Variants in CYP2B6 observed in about 807,000 individuals in gnomAD.
The protein encoded by CYP2B6 is cytochrome P450 2B6.
Under a neutral mutation model 43.4 loss-of-function variants are expected in CYP2B6, and 35 were observed. The ratio of observed to expected loss-of-function variants is 0.81; its 90% CI spans 0.62 to 1.07. CYP2B6 has a LOEUF of 1.07. Among genes scored for constraint, CYP2B6 ranks in the 50% least tolerant of loss-of-function variants. The probability of loss-of-function intolerance (pLI) is 0.00; values close to 1 mark genes in which losing one functional copy is unlikely to be tolerated. For missense variants in CYP2B6, 624 were observed against 632.8 expected, an observed-to-expected ratio of 0.99 and a Z score of 0.15; for synonymous variants, 239 against 239.2, an observed-to-expected ratio of 1.00 and a Z score of 0.01.
intron 1 of CYP2B6, among the ~76,000 whole-genome samples, chr19:40,998,513 G>A (rs1487202783): frequency 1.3e-4 from 20 of 149,094 alleles, no homozygotes; most frequent in South Asian, 1.1e-3. Context: ...ATGCTGGTGC[G>A]CTGCACCCAC....
chr19:40,997,158 T>A (rs1256176608), intron 1 of CYP2B6, among the ~76,000 whole-genome samples: 1 of 151,930 alleles, frequency 6.6e-6, no homozygotes, highest in African/African-American at 2.4e-5. Flanking sequence ...CCCATGTCAG[T>A]GCCAGGAGAG....
intron 8 of CYP2B6, among the ~76,000 whole-genome samples, chr19:41,016,429 A>AGG (rs1278513595): frequency 2.1e-5 from 2 of 93,430 alleles, no homozygotes; most frequent in Non-Finnish European, 4.2e-5. Flanking sequence ...AAAAAAAAAA[A>AGG]AAAAAGAGAG....
rs755094512 is a variant in CYP2B6, at chr19:41,012,829, A to T, written c.1294+14A>T. The T allele has an allele frequency of 6.2e-7, 1 of 1,614,052 alleles. No individual in the cohort carries two copies. On this transcript the variant is annotated intron_variant, in intron 8 of 8. Transcript: ENST00000324071. Reference sequence around the variant, plus strand: ...CCTTCTCCTTAGGTAAGCTGGACCCACAATTTCTTTCCCAGACACCAGAGG... The same window carrying T: ...CCTTCTCCTTAGGTAAGCTGGACCCTCAATTTCTTTCCCAGACACCAGAGG...
At chr19:40,995,950 A>G (rs896726516) in intron 1 of CYP2B6, among the ~76,000 whole-genome samples, 2 of 152,206 alleles carry the variant, frequency 1.3e-5, no homozygotes, top group African/African-American at 4.8e-5. Context: ...ACTTTTAAAC[A>G]TATTAAGGTG....
intron 1 of CYP2B6, among the ~76,000 whole-genome samples, chr19:41,001,042 A>T (rs542367377): frequency 6.6e-6 from 1 of 152,146 alleles, no homozygotes; most frequent in African/African-American, 2.4e-5. Flanking sequence ...TCCATCTCAA[A>T]AAAAACCCAA....
intron 1 of CYP2B6, among the ~76,000 whole-genome samples, chr19:40,994,807 G>T (rs895054732): frequency 6.6e-6 from 1 of 151,914 alleles, no homozygotes; most frequent in African/African-American, 2.4e-5. Flanking sequence ...ATGTTATTAC[G>T]TACTGTTATT....
chr19:41,013,699 G>A (rs1969320069), intron 8 of CYP2B6, among the ~76,000 whole-genome samples: 1 of 152,194 alleles, frequency 6.6e-6, no homozygotes, highest in Non-Finnish European at 1.5e-5. Flanking sequence ...GCTCTGACTT[G>A]TCCCAGTTCT....
At chr19:41,005,120 T>C (rs1969156646) in intron 3 of CYP2B6, among the ~76,000 whole-genome samples, 1 of 152,160 alleles carries the variant, frequency 6.6e-6, no homozygotes, top group Admixed American at 6.6e-5. Flanking sequence ...GAACTGTGTT[T>C]TCCTTGCCCT....
chr19:41,011,568 A>T (rs35679971), intron 6 of CYP2B6, among the ~76,000 whole-genome samples: 5 of 152,180 alleles, frequency 3.3e-5, no homozygotes, highest in Non-Finnish European at 7.3e-5. Flanking sequence ...TCATGAATTC[A>T]TCTATTGTTC....
intron 4 of CYP2B6, among the ~76,000 whole-genome samples, chr19:41,007,873 G>A (rs1327230728): frequency 1.3e-3 from 190 of 151,962 alleles, no homozygotes; most frequent in African/African-American, 4.4e-3. Context: ...TGATCTGCCC[G>A]CCTCAGACTC....
At position 41,016,999 on chromosome 19, in the gene CYP2B6, G is replaced by A. The variant is rs1969381341; in HGVS notation, c.*172G>A. ...GAGGTCACATTGCAAGTGAGTGCAG[G>A]AGTGAGATTATCGAAAATTATAATA... On this transcript the variant is annotated 3_prime_UTR_variant, in exon 9 of 9. Coordinates refer to ENST00000324071, the MANE Select transcript of CYP2B6 (RefSeq NM_000767.5). The A allele has an allele frequency of 1.7e-6, 1 of 605,926 alleles. No individual in the cohort carries two copies. The highest frequency in any genetic ancestry group is 2.9e-6 in the Non-Finnish European group (1 of 345,328). 37.5% of individuals were successfully genotyped at this position (605,926 alleles called of 1,614,324 possible).
At chr19:40,995,017 C>T (rs916538760) in intron 1 of CYP2B6, among the ~76,000 whole-genome samples, 1 of 152,066 alleles carries the variant, frequency 6.6e-6, no homozygotes, top group South Asian at 2.1e-4. Flanking sequence ...TTCAGAAACT[C>T]AACAACTCCT....
In CYP2B6 at chr19:41,004,378, A is replaced by G; in HGVS notation, c.416A>G (p.Lys139Arg). The change falls in exon 3 of 9, where the codon AAG (lysine) becomes AGG (arginine). Residue 139 changes from lysine (K) to arginine (R), a missense_variant. Physicochemically the swap from Lys to Arg is conservative, Grantham distance 26. Coordinates refer to ENST00000324071, the MANE Select transcript of CYP2B6 (RefSeq NM_000767.5). ...ACTATGAGGGACTTCGGGATGGGAAAGCGGAGTGTGGAGGAGCGGATTCAG... is the reference window on the plus strand; with the variant it reads ...ACTATGAGGGACTTCGGGATGGGAAGGCGGAGTGTGGAGGAGCGGATTCAG... ...VTTMRDFGMG[K>R]RSVEERIQEE... 3.1e-6 allele frequency: 5 copies of G among 1,614,010 alleles called. No individual in the cohort carries two copies. The highest frequency in any genetic ancestry group is 1.7e-4 in the Middle Eastern group (1 of 6,060).
intron 8 of CYP2B6, among the ~76,000 whole-genome samples, chr19:41,014,681 T>C (rs1339106299): frequency 1.3e-5 from 2 of 151,698 alleles, no homozygotes; most frequent in Non-Finnish European, 2.9e-5. Context: ...ATAATGAGAC[T>C]GAGAAACAGA....
rs139818840 is a variant in CYP2B6, at chr19:41,017,033, C to CAT, written c.*219_*220dup. On this transcript the variant is annotated 3_prime_UTR_variant, in exon 9 of 9. Transcript: ENST00000324071. ...TATCGAAAATTATAATATACAAAATCATATATATATATATGTTCTTGTTTT... is the reference window on the plus strand; with the variant it reads ...TATCGAAAATTATAATATACAAAATCATATATATATATATATGTTCTTGTTTT... The CAT allele has an allele frequency of 0.049, 23,699 of 485,314 alleles. 618 individuals carry two copies. Among genetic ancestry groups the CAT allele is most frequent in the Non-Finnish European group, 0.066 (17,741 of 266,890 alleles). The allele number at this position is 485,314 out of a possible 1,614,324, so 30.1% of individuals were successfully genotyped here.
intron 8 of CYP2B6, among the ~76,000 whole-genome samples, chr19:41,014,796 C>CAG (rs1303972531): frequency 1.1e-3 from 157 of 146,736 alleles, no homozygotes; most frequent in African/African-American, 3.8e-3. Context: ...GAGAGAGACA[C>CAG]AGAGAGAGAG....
At chr19:41,001,536 A>G (rs1187528685) in intron 1 of CYP2B6, among the ~76,000 whole-genome samples, 1 of 152,124 alleles carries the variant, frequency 6.6e-6, no homozygotes, top group Non-Finnish European at 1.5e-5. Context: ...GCATTGAGTC[A>G]CAGTTTTCTC....
chr19:41,006,858 TC>T, intron 3 of CYP2B6, 46 bp from the exon 4 acceptor site: 1 of 1,572,662 alleles, frequency 6.4e-7, no homozygotes, highest in South Asian at 1.1e-5. Flanking sequence ...AGCCTGATGT[TC>T]CCCAGGCACT....
At chr19:41,013,667 A>G (rs575727617) in intron 8 of CYP2B6, among the ~76,000 whole-genome samples, 1 of 152,210 alleles carries the variant, frequency 6.6e-6, no homozygotes, top group African/African-American at 2.4e-5. Context: ...TAGCACTGGG[A>G]AGGTGGAAAA....
Sources: allele counts gnomAD v4.1 joint callset (sites outside exome capture counted in the v4.1 genomes callset), GRCh38; gene constraint gnomAD v4.1.1; transcripts MANE v1.5; gene names NCBI Gene and HGNC (gene_info 2026-07-23, HGNC 2026-07-21).